The following PLP2 variants were observed in gnomAD, a reference collection of about 807,000 sequenced individuals.
PLP2 encodes the protein proteolipid protein 2, also known as A4 differentiation-dependent protein.
A neutral mutation model predicts 11.4 loss-of-function variants in PLP2; 8 were observed. That is an observed-to-expected ratio of 0.70 (90% confidence interval 0.41 to 1.27). The LOEUF (loss-of-function observed/expected upper bound fraction) is 1.27, where lower values mean the gene tolerates loss of function less well. PLP2 is among the 50% of genes most tolerant of loss of function. The pLI, the probability that PLP2 is intolerant of heterozygous loss-of-function variation, is 0.01. For missense variants in PLP2, 127 were observed against 123.5 expected (o/e 1.03, Z -0.14); for synonymous variants, 50 against 53.2 (o/e 0.94, Z 0.26).
At chrX:49,172,647 G>T (rs2065396660) in intron 1 of PLP2, among the ~76,000 whole-genome samples, 1 of 112,725 alleles carries the variant, frequency 8.9e-6, no homozygotes, top group African/African-American at 3.2e-5. Context: ...TTGTAAAAGG[G>T]GTGCGGCGCC....
In PLP2 at chrX:49,174,802, T is replaced by A; in HGVS notation, c.*108T>A. The A allele has an allele frequency of 1.4e-6, 1 of 703,929 alleles. No homozygotes were observed. Among genetic ancestry groups the A allele is most frequent in the Non-Finnish European group, 2.2e-6 (1 of 447,490 alleles). 58.0% of individuals were successfully genotyped at this position (703,929 alleles called of 1,213,427 possible). On this transcript the variant is annotated 3_prime_UTR_variant, in exon 5 of 5. Transcript: ENST00000376327. ...CCAGCAGACCAACTCCCACCCCCTCTTTGAGGTAAAAGTGCCTTTATTGGG... is the reference window on the plus strand; with the variant it reads ...CCAGCAGACCAACTCCCACCCCCTCATTGAGGTAAAAGTGCCTTTATTGGG...
Position 49,173,432 on chromosome X carries a change from C to T in PLP2, c.294C>T (p.Thr98=), listed in dbSNP as rs1212735208. The T allele has an allele frequency of 6.6e-6, 8 of 1,209,949 alleles. No individual in the cohort carries two copies. Among genetic ancestry groups the T allele is most frequent in the Middle Eastern group, 2.3e-4 (1 of 4,374 alleles). The change falls in exon 3 of 5, where the codon ACC becomes ACT. Residue 98 remains threonine (T), a synonymous_variant. Transcript: ENST00000376327. ...TAGCGGCAATCCTCTACCTGATCAC[C>T]TCCATTGTTGTCCTTGTTGAGAGAG... ...TLIAAILYLI[T]SIVVLVERGN... is the part of the protein sequence containing the mutation.
At position 49,174,396 on chromosome X, in the gene PLP2, G is replaced by A. The variant is rs2065403678; in HGVS notation, c.407G>A (p.Arg136Gln). 4.2e-6 allele frequency: 5 copies of A among 1,200,900 alleles called. No homozygotes were observed. The highest frequency in any genetic ancestry group is 2.3e-4 in the Middle Eastern group (1 of 4,336). Residue 136 changes from arginine to glutamine, a missense_variant, in exon 4 of 5, where the codon CGG becomes CAG. Coordinates refer to ENST00000376327, the MANE Select transcript of PLP2 (RefSeq NM_002668.3). ...GATGCCTATGTCACCTTCCCCGTTC[G>A]GCAGCCAAGACATACAGCAGCCCCC... is the stretch of plus-strand genomic sequence containing the variant. Reference protein sequence around the residue: ...GYDAYVTFPVRQPRHTAAPTD... With the variant: ...GYDAYVTFPVQQPRHTAAPTD...
chrX:49,172,913 G>A (rs782779052), intron 1 of PLP2, among the ~76,000 whole-genome samples: 166 of 112,684 alleles, frequency 1.5e-3, no homozygotes, highest in African/African-American at 5.2e-3. Flanking sequence ...CAGTTTTCTC[G>A]TCTATAAATT....
rs1334109902 is a variant in PLP2, at chrX:49,174,687, C to T, written c.452C>T (p.Pro151Leu). The T allele has an allele frequency of 5.0e-6, 6 of 1,204,653 alleles. No individual in the cohort carries two copies. Among genetic ancestry groups the T allele is most frequent in the South Asian group, 1.8e-5 (1 of 56,660 alleles). Reference protein sequence around the residue: ...TAAPTDPADGPV With the variant: ...TAAPTDPADGLV ...TCACCTGCAGACCCCGCAGATGGCC[C>T]GGTGTAGGCGAACTTCCCTCATTTC... is the stretch of plus-strand genomic sequence containing the variant. Residue 151 changes from proline to leucine, a missense_variant, in exon 5 of 5, where the codon CCG (proline) becomes CTG (leucine). Coordinates refer to ENST00000376327, the MANE Select transcript of PLP2 (RefSeq NM_002668.3).
In PLP2 at chrX:49,174,414, C is replaced by G. The variant is rs368089500; in HGVS notation, c.425C>G (p.Ala142Gly). Residue 142 changes from alanine to glycine, a missense_variant, in exon 4 of 5, where the codon GCA (alanine) becomes GGA (glycine). Ala to Gly is a moderately conservative substitution (Grantham distance 60). Transcript: ENST00000376327. Reference sequence around the variant, plus strand: ...CCCGTTCGGCAGCCAAGACATACAGCAGCCCCCACTGGTAAGTGTGTGTGT... The same window carrying G: ...CCCGTTCGGCAGCCAAGACATACAGGAGCCCCCACTGGTAAGTGTGTGTGT... ...TFPVRQPRHT[A>G]APTDPADGPV The G allele has an allele frequency of 8.7e-7, 1 of 1,152,512 alleles. No homozygotes were observed. The highest frequency in any genetic ancestry group is 2.2e-5 in the African/African-American group (1 of 46,087). The allele number at this position is 1,152,512 out of a possible 1,213,427, so 95.0% of individuals were successfully genotyped here.
At chrX:49,172,809 G>A (rs980625315) in intron 1 of PLP2, among the ~76,000 whole-genome samples, 3 of 112,123 alleles carry the variant, frequency 2.7e-5, no homozygotes, top group Non-Finnish European at 5.6e-5. Context: ...CAGGCTGCCC[G>A]TAACCTAGAA....
rs782315999 is a variant in PLP2, at chrX:49,174,408, A to G, written c.419A>G (p.His140Arg). 8.5e-7 allele frequency: 1 copy of G among 1,178,375 alleles called. No homozygotes were observed. The highest frequency in any genetic ancestry group is 1.8e-5 in the South Asian group (1 of 55,330). The change falls in exon 4 of 5, where the codon CAT (histidine) becomes CGT (arginine). Residue 140 changes from histidine to arginine, a missense_variant. Coordinates refer to ENST00000376327, the MANE Select transcript of PLP2 (RefSeq NM_002668.3). ...YVTFPVRQPR[H>R]TAAPTDPADG... Reference sequence around the variant, plus strand: ...ACCTTCCCCGTTCGGCAGCCAAGACATACAGCAGCCCCCACTGGTAAGTGT... The same window carrying G: ...ACCTTCCCCGTTCGGCAGCCAAGACGTACAGCAGCCCCCACTGGTAAGTGT...
chrX:49,174,881 G>A lies in PLP2; in HGVS notation c.*187G>A, dbSNP rs1326185658. The A allele has an allele frequency of 8.1e-6, 4 of 494,508 alleles. No homozygotes were observed. Among genetic ancestry groups the A allele is most frequent in the Admixed American group, 2.8e-5 (1 of 35,106 alleles). The allele number at this position is 494,508 out of a possible 1,213,427, so 40.8% of individuals were successfully genotyped here. ...ACCCTCCTGGGTGTGGCCACCATAT[G>A]TGTGTGCCTAGGTCCTCCTTCTGCA... On this transcript the variant is annotated 3_prime_UTR_variant, in exon 5 of 5. Coordinates refer to ENST00000376327, the MANE Select transcript of PLP2 (RefSeq NM_002668.3).
chrX:49,172,867 G>A (rs2065397341), intron 1 of PLP2, among the ~76,000 whole-genome samples: 1 of 112,354 alleles, frequency 8.9e-6, no homozygotes, highest in South Asian at 3.6e-4. Context: ...TACTTGTTGG[G>A]TGACCCTGGC....
intron 3 of PLP2, 41 bp from the exon 4 acceptor site, chrX:49,174,294 C>T (rs55794588): frequency 0.012 from 11,465 of 991,161 alleles, 61 homozygotes; most frequent in Middle Eastern, 0.017. Flanking sequence ...AGTAACCTGA[C>T]CAGCTAATCT....
At chrX:49,173,570 C>T (rs1275213038) in intron 3 of PLP2, 87 bp downstream of exon 3, 9 of 1,195,382 alleles carry the variant, frequency 7.5e-6, no homozygotes, top group South Asian at 5.4e-5. Context: ...TGGCAGAAAT[C>T]GTGTGACCCA....
In PLP2 at chrX:49,174,363, T is replaced by C; in HGVS notation, c.374T>C (p.Phe125Ser). Residue 125 changes from phenylalanine to serine, a missense_variant, in exon 4 of 5, where the codon TTT becomes TCT. Physicochemically the swap from Phe to Ser is radical, Grantham distance 155 (BLOSUM62 -2). Coordinates refer to ENST00000376327, the MANE Select transcript of PLP2 (RefSeq NM_002668.3). ...GVLGLIATCL[F>S]GYDAYVTFPV... ...CTGGGCCTAATCGCTACGTGCCTCT[T>C]TGGCTATGATGCCTATGTCACCTTC... is the stretch of plus-strand genomic sequence containing the variant. 8.3e-7 allele frequency: 1 copy of C among 1,210,692 alleles called. No individual in the cohort carries two copies. Among genetic ancestry groups the C allele is most frequent in the Non-Finnish European group, 1.1e-6 (1 of 894,540 alleles).
In PLP2 at chrX:49,174,392, G is replaced by A. The variant is rs782624428; in HGVS notation, c.403G>A (p.Val135Ile). 2.2e-5 allele frequency: 26 copies of A among 1,204,026 alleles called. No homozygotes were observed. The highest frequency in any genetic ancestry group is 2.7e-5 in the Non-Finnish European group (24 of 892,623). Reference sequence around the variant, plus strand: ...CTATGATGCCTATGTCACCTTCCCCGTTCGGCAGCCAAGACATACAGCAGC... The same window carrying A: ...CTATGATGCCTATGTCACCTTCCCCATTCGGCAGCCAAGACATACAGCAGC... ...FGYDAYVTFPVRQPRHTAAPT... is the reference protein window; with the variant it reads ...FGYDAYVTFPIRQPRHTAAPT... The change falls in exon 4 of 5, where the codon GTT becomes ATT. Residue 135 changes from valine to isoleucine, a missense_variant. Transcript: ENST00000376327.
chrX:49,172,157 A>T, intron 1 of PLP2, 61 bp downstream of exon 1: 2 of 831,143 alleles, frequency 2.4e-6, no homozygotes, highest in Non-Finnish European at 3.6e-6. Flanking sequence ...ACCATGCGGA[A>T]CTGGATGGTC....
chrX:49,172,146 G>C (rs1234791366), intron 1 of PLP2, 50 bp downstream of exon 1: 5 of 905,973 alleles, frequency 5.5e-6, no homozygotes, highest in Non-Finnish European at 8.0e-6. Flanking sequence ...GGGGTGGCTG[G>C]ACCATGCGGA....
In PLP2 at chrX:49,174,994, C is replaced by T; in HGVS notation, c.*300C>T. On this transcript the variant is annotated 3_prime_UTR_variant, in exon 5 of 5. Coordinates refer to ENST00000376327, the MANE Select transcript of PLP2 (RefSeq NM_002668.3). Reference sequence around the variant, plus strand: ...GAAGTGGGGAGTTAGATTTCAGAGTCCAGGCCCTAGGTTGGGACCCACTCC... The same window carrying T: ...GAAGTGGGGAGTTAGATTTCAGAGTTCAGGCCCTAGGTTGGGACCCACTCC... 2 of 421,699 alleles carry T rather than the reference C, an allele frequency of 4.7e-6. No homozygotes were observed. The highest frequency in any genetic ancestry group is 8.3e-6 in the Non-Finnish European group (2 of 241,008). The allele number at this position is 421,699 out of a possible 1,213,427, so 34.8% of individuals were successfully genotyped here.
chrX:49,172,208 G>A (rs2065395118), intron 1 of PLP2, 112 bp downstream of exon 1: 1 of 560,242 alleles, frequency 1.8e-6, no homozygotes, highest in Non-Finnish European at 3.0e-6. Flanking sequence ...CGGCAGTGGG[G>A]TGCAGGTGGG....
At chrX:49,173,609 G>A in intron 3 of PLP2, 126 bp downstream of exon 3, 1 of 1,166,341 alleles carries the variant, frequency 8.6e-7, no homozygotes, top group Non-Finnish European at 1.1e-6. Flanking sequence ...CTCAGACATG[G>A]AGGAAAGTCT....
Sources: allele counts gnomAD v4.1 joint callset (sites outside exome capture counted in the v4.1 genomes callset), GRCh38; gene constraint gnomAD v4.1.1; transcripts MANE v1.5; gene names NCBI Gene and HGNC (gene_info 2026-07-23, HGNC 2026-07-21).